The following PRC1 variants were observed in gnomAD, a reference collection of about 807,000 sequenced individuals.
The protein encoded by PRC1 is anaphase spindle elongation 1 homolog.
PRC1 carries 54 observed loss-of-function variants against 91.2 expected under a neutral mutation model. The ratio of observed to expected loss-of-function variants is 0.59; its 90% CI spans 0.48 to 0.74. The LOEUF (loss-of-function observed/expected upper bound fraction) is 0.74, where lower values mean the gene tolerates loss of function less well. Ranked by LOEUF, PRC1 falls within the 30% of genes least tolerant of loss-of-function variation. The pLI, the probability that PRC1 is intolerant of heterozygous loss-of-function variation, is 0.00. For missense variants in PRC1, 727 were observed against 746.2 expected (o/e 0.97, Z 0.30); for synonymous variants, 275 against 263.6 (o/e 1.04, Z -0.42).
Position 90,967,041 on chromosome 15 carries a change from CCTAAGCTGAAGAAAAA to C in PRC1, c.*74_*89del. The C allele has an allele frequency of 8.4e-7, 1 of 1,195,862 alleles. No individual in the cohort carries two copies. The highest frequency in any genetic ancestry group is 1.2e-6 in the Non-Finnish European group (1 of 808,228). The allele number at this position is 1,195,862 out of a possible 1,614,324, so 74.1% of individuals were successfully genotyped here. A position where few individuals can be genotyped will look rare whatever the true frequency, so the allele number is the denominator to read the frequency against. On this transcript the variant is annotated 3_prime_UTR_variant, in exon 15 of 15. Transcript: ENST00000394249. ...GAACCTGGCCAAGGTTTCAAGCACGCCTAAGCTGAAGAAAAACTAAAGTCACCCCCATATAATTAGG... is the reference window on the plus strand; with the variant it reads ...GAACCTGGCCAAGGTTTCAAGCACGCCTAAAGTCACCCCCATATAATTAGG...
rs369525530 is a variant in PRC1, at chr15:90,994,423, A to G, written c.-6T>C. ...AACCCGCACCTTCTCCTCATGGCGGACGCTCCAAGCAGCCGTGAGTCCAGG... is the reference window on the plus strand; with the variant it reads ...AACCCGCACCTTCTCCTCATGGCGGGCGCTCCAAGCAGCCGTGAGTCCAGG... On this transcript the variant is annotated 5_prime_UTR_variant, in exon 1 of 15. Transcript: ENST00000394249. The G allele has an allele frequency of 6.2e-7, 1 of 1,611,278 alleles. No individual in the cohort carries two copies. The highest frequency in any genetic ancestry group is 8.5e-7 in the Non-Finnish European group (1 of 1,178,876).
chr15:90,968,336 C>G (rs1027271293), intron 14 of PRC1: 10 of 985,420 alleles, frequency 1.0e-5, no homozygotes, highest in Non-Finnish European at 6.0e-6. Context: ...AAACTAGCTG[C>G]AGCCTTGGCC....
intron 8 of PRC1, 85 bp downstream of exon 8, chr15:90,979,073 C>A: frequency 3.5e-6 from 5 of 1,446,946 alleles, no homozygotes; most frequent in Middle Eastern, 4.2e-4. Context: ...GTATCAAAAG[C>A]CTGGCAAAGA....
rs1362136991 is a variant in PRC1 at position 90,967,086 on chromosome 15, A to T, written c.*45T>A. On this transcript the variant is annotated 3_prime_UTR_variant, in exon 15 of 15. Transcript: ENST00000394249. ...AAGTCACCCCCATATAATTAGGTCC[A>T]GTCTAGGCACAGGAAGCCACAGCTG... 1.3e-6 allele frequency: 2 copies of T among 1,546,232 alleles called. No homozygotes were observed. The highest frequency in any genetic ancestry group is 3.3e-5 in the Admixed American group (2 of 59,872).
intron 1 of PRC1, among the ~76,000 whole-genome samples, chr15:90,985,537 T>A (rs2039512571): frequency 6.7e-6 from 1 of 148,342 alleles, no homozygotes; most frequent in African/African-American, 2.5e-5. Context: ...TGCCATTTTA[T>A]TTAATTAATT....
intron 3 of PRC1, 166 bp from the exon 4 acceptor site, chr15:90,982,147 C>T: frequency 3.0e-6 from 2 of 656,656 alleles, no homozygotes; most frequent in Non-Finnish European, 5.2e-6. Flanking sequence ...TAAGGAAGGT[C>T]CCAGTGAGGA....
chr15:90,980,654 G>A (rs2039119190), intron 6 of PRC1: 1 of 688,380 alleles, frequency 1.5e-6, no homozygotes. Context: ...CAAGTAGCTG[G>A]GATTACAGGC....
intron 8 of PRC1, chr15:90,977,337 C>CAG (rs1325340067): frequency 3.3e-5 from 5 of 152,122 alleles, no homozygotes; most frequent in African/African-American, 1.2e-4. Context: ...TAAGGTATAT[C>CAG]AGAACAGTAA....
chr15:90,989,819 C>T (rs1396901033), intron 1 of PRC1, among the ~76,000 whole-genome samples: 5 of 152,080 alleles, frequency 3.3e-5, no homozygotes, highest in East Asian at 1.9e-4. Context: ...ACCAGAGCTA[C>T]GGTTCCGTTT....
intron 3 of PRC1, chr15:90,983,744 A>T (rs1596318892): frequency 4.0e-6 from 1 of 252,050 alleles, no homozygotes; most frequent in East Asian, 7.6e-5. Flanking sequence ...GCGTTTATAA[A>T]AAAAAATTCA....
chr15:90,974,985 G>C lies in PRC1; in HGVS notation c.1204-254C>G, dbSNP rs896361155. Among the ~76,000 whole-genome samples, 3 of 152,228 alleles carry C rather than the reference G, an allele frequency of 2.0e-5. No individual in the cohort carries two copies. Among genetic ancestry groups the C allele is most frequent in the Non-Finnish European group, 4.4e-5 (3 of 68,050 alleles). ...ACTAAGGTTTTGGTGCCTGAAGTTG[G>C]AGGCAGCACAGGGAAGATCAGCAAT... is the stretch of plus-strand genomic sequence containing the variant. On this transcript the variant is annotated intron_variant, in intron 9 of 14. Transcript: ENST00000394249. The surrounding 1 kb of genome is among the most constrained non-coding windows in gnomAD (Gnocchi z 4.6).
intron 3 of PRC1, among the ~76,000 whole-genome samples, chr15:90,983,193 C>G (rs1328268762): frequency 6.6e-6 from 1 of 152,132 alleles, no homozygotes; most frequent in Non-Finnish European, 1.5e-5. Flanking sequence ...TCTTGGCTAC[C>G]AAGTATGAAT....
At position 90,967,093 on chromosome 15, in the gene PRC1, G is replaced by A. The variant is rs2037562833; in HGVS notation, c.*38C>T. 3 of 1,572,882 alleles carry A rather than the reference G, an allele frequency of 1.9e-6. No individual in the cohort carries two copies. Among genetic ancestry groups the A allele is most frequent in the South Asian group, 1.1e-5 (1 of 90,158 alleles). Reference sequence around the variant, plus strand: ...CCCCATATAATTAGGTCCAGTCTAGGCACAGGAAGCCACAGCTGGTTGACT... The same window carrying A: ...CCCCATATAATTAGGTCCAGTCTAGACACAGGAAGCCACAGCTGGTTGACT... On this transcript the variant is annotated 3_prime_UTR_variant, in exon 15 of 15. Coordinates refer to ENST00000394249, the MANE Select transcript of PRC1 (RefSeq NM_003981.4).
chr15:90,970,313 G>A, intron 12 of PRC1, 91 bp downstream of exon 12: 2 of 935,054 alleles, frequency 2.1e-6, no homozygotes, highest in Non-Finnish European at 3.4e-6. Context: ...CAAATCCAGG[G>A]ATCTTAGAAT....
At chr15:90,968,135 A>G in intron 14 of PRC1, 1 of 985,480 alleles carries the variant, frequency 1.0e-6, no homozygotes. Flanking sequence ...ACCTAGGACT[A>G]GCCACACAGA....
At position 90,981,865 on chromosome 15, in the gene PRC1, A is replaced by C; in HGVS notation, c.384T>G (p.Asp128Glu). ...TACAAAGAATTTCGCACAGTTCTTG[A>C]TCTTGCTCTTGAAGTAGCTTCAGTT... ...KQELKLLQEQDQELCEILCMP... is the reference protein window; with the variant it reads ...KQELKLLQEQEQELCEILCMP... Residue 128 changes from aspartate to glutamate, a missense_variant, in exon 4 of 15, where the codon GAT becomes GAG. Asp to Glu is a conservative substitution (Grantham distance 45). Coordinates refer to ENST00000394249, the MANE Select transcript of PRC1 (RefSeq NM_003981.4). The C allele has an allele frequency of 6.2e-7, 1 of 1,614,184 alleles. No homozygotes were observed. Among genetic ancestry groups the C allele is most frequent in the South Asian group, 1.1e-5 (1 of 91,084 alleles).
intron 1 of PRC1, among the ~76,000 whole-genome samples, chr15:90,992,536 G>A (rs535107780): frequency 6.4e-4 from 98 of 152,142 alleles, no homozygotes; most frequent in Non-Finnish European, 1.1e-3. Context: ...TTACAGGTGT[G>A]AGCCACTGTG....
At chr15:90,969,946 C>T (rs2037954850) in intron 12 of PRC1, among the ~76,000 whole-genome samples, 2 of 151,898 alleles carry the variant, frequency 1.3e-5, no homozygotes, top group Non-Finnish European at 2.9e-5. Context: ...AATATGAATT[C>T]TTGATTTACA....
At chr15:90,985,428 G>A (rs963907357) in intron 1 of PRC1, among the ~76,000 whole-genome samples, 2 of 151,464 alleles carry the variant, frequency 1.3e-5, no homozygotes, top group African/African-American at 2.4e-5. Flanking sequence ...TTGGGGTTTC[G>A]CCATGTTAGC....
Sources: allele counts gnomAD v4.1 joint callset (sites outside exome capture counted in the v4.1 genomes callset), GRCh38; gene constraint gnomAD v4.1.1; non-coding constraint Gnocchi (gnomAD v3.1); transcripts MANE v1.5; gene names NCBI Gene and HGNC (gene_info 2026-07-23, HGNC 2026-07-21).